Variants in SLC30A3 observed in about 807,000 individuals in gnomAD.
SLC30A3 encodes probable proton-coupled zinc antiporter SLC30A3.
A neutral mutation model predicts 35.6 loss-of-function variants in SLC30A3; 20 were observed. The observed-to-expected ratio is 0.56, with a 90% confidence interval of 0.39 to 0.82. The LOEUF is 0.82. Among genes scored for constraint, SLC30A3 ranks in the 40% least tolerant of loss-of-function variants. SLC30A3 has a pLI of 0.00. For synonymous variants in SLC30A3, 217 were observed against 224.7 expected, an observed-to-expected ratio of 0.97 and a Z score of 0.31; for missense variants, 401 against 530.6, an observed-to-expected ratio of 0.76 and a Z score of 2.40.
chr2:27,256,222 G>C, intron 7 of SLC30A3, 164 bp downstream of exon 7: 3 of 779,324 alleles, frequency 3.8e-6, no homozygotes, highest in Non-Finnish European at 6.3e-6. Context: ...ACGAGCGCAC[G>C]TGCATGTGTG....
rs1016560440 is a variant in SLC30A3 at position 27,262,558 on chromosome 2, G to A, written c.95+254C>T. 1.3e-5 allele frequency among the ~76,000 whole-genome samples: 2 copies of A among 152,074 alleles called. No homozygotes were observed. Among genetic ancestry groups the A allele is most frequent in the Non-Finnish European group, 2.9e-5 (2 of 67,978 alleles). On this transcript the variant is annotated intron_variant, in intron 1 of 7. Transcript: ENST00000233535. The surrounding 1 kb of genome is among the most constrained non-coding windows in gnomAD (Gnocchi z 7.5). Reference sequence around the variant, plus strand: ...GCGGGGGTGGCGGAGGGGTCCGGCGGCCTGGGACGCCGGCCGGAGGGGAGT... The same window carrying A: ...GCGGGGGTGGCGGAGGGGTCCGGCGACCTGGGACGCCGGCCGGAGGGGAGT...
Position 27,255,151 on chromosome 2 carries a change from G to C in SLC30A3, c.*161C>G, listed in dbSNP as rs1389397958. On this transcript the variant is annotated 3_prime_UTR_variant, in exon 8 of 8. Coordinates refer to ENST00000233535, the MANE Select transcript of SLC30A3 (RefSeq NM_003459.5). This position sits in a 1 kb window ranked among gnomAD's most constrained non-coding sequence, Gnocchi z 5.2. ...CCACACTTTGGTCTTGCCCACTGGGGCTGGGGCTGGGGCTGAGGCTGGGGA... is the reference window on the plus strand; with the variant it reads ...CCACACTTTGGTCTTGCCCACTGGGCCTGGGGCTGGGGCTGAGGCTGGGGA... The C allele has an allele frequency of 6.4e-7, 1 of 1,571,100 alleles. No homozygotes were observed. The highest frequency in any genetic ancestry group is 1.3e-5 in the African/African-American group (1 of 74,530).
upstream of SLC30A3, among the ~76,000 whole-genome samples, chr2:27,266,311 G>A (rs1395038910): frequency 3.9e-5 from 6 of 152,090 alleles, no homozygotes; most frequent in Admixed American, 3.9e-4. Context: ...TGGCTTCCAG[G>A]CTACCATAAT....
Position 27,262,692 on chromosome 2 carries a change from G to A in SLC30A3, c.95+120C>T, listed in dbSNP as rs1307956441. The A allele has an allele frequency of 3.1e-6, 3 of 977,954 alleles. No individual in the cohort carries two copies. The highest frequency in any genetic ancestry group is 4.0e-5 in the Admixed American group (1 of 25,044). 60.6% of individuals were successfully genotyped at this position (977,954 alleles called of 1,614,324 possible). ...AGGGGATGAAGCGGGGTGCAGCGGA[G>A]CGAGGGACCCGCGGTGCGCTGGGGC... is the stretch of plus-strand genomic sequence containing the variant. On this transcript the variant is annotated intron_variant, in intron 1 of 7. Transcript: ENST00000233535. This position sits in a 1 kb window ranked among gnomAD's most constrained non-coding sequence, Gnocchi z 7.5.
chr2:27,266,959 C>T (rs1004111706), upstream of SLC30A3, among the ~76,000 whole-genome samples: 1 of 149,832 alleles, frequency 6.7e-6, no homozygotes, highest in Non-Finnish European at 1.5e-5. Context: ...CACTTGGACT[C>T]CAAACTCATA....
upstream of SLC30A3, among the ~76,000 whole-genome samples, chr2:27,265,273 C>T (rs1677450762): frequency 6.6e-6 from 1 of 152,236 alleles, no homozygotes; most frequent in African/African-American, 2.4e-5. The surrounding 1 kb of genome is among the most constrained non-coding windows in gnomAD (Gnocchi z 5.9). Flanking sequence ...AGAGGCGCCT[C>T]GCAGCGCGTG....
At chr2:27,274,422 G>A (rs1677894585) in intron 1 of SLC30A3, among the ~76,000 whole-genome samples, 2 of 152,166 alleles carry the variant, frequency 1.3e-5, no homozygotes, top group African/African-American at 4.8e-5. Context: ...CTACAAAAAG[G>A]TTAACAGATA....
At chr2:27,263,378 T>C (rs1440268818), upstream of SLC30A3, 1 of 456,074 alleles carries the variant, frequency 2.2e-6, no homozygotes, top group South Asian at 1.6e-5. Context: ...TGTGCATGCC[T>C]GCGCGGGGGT....
upstream of SLC30A3, among the ~76,000 whole-genome samples, chr2:27,264,669 G>A (rs561199515): frequency 6.6e-6 from 1 of 152,228 alleles, no homozygotes; most frequent in East Asian, 1.9e-4. The surrounding 1 kb of genome is among the most constrained non-coding windows in gnomAD (Gnocchi z 6.1). Context: ...CCAGTCCAAA[G>A]CCCATGAGGG....
chr2:27,266,018 A>T (rs1020748737), upstream of SLC30A3, among the ~76,000 whole-genome samples: 1 of 150,112 alleles, frequency 6.7e-6, no homozygotes, highest in Non-Finnish European at 1.5e-5. Flanking sequence ...GTTAATTCTC[A>T]TGTCATACAC....
intron 1 of SLC30A3, among the ~76,000 whole-genome samples, chr2:27,273,359 A>C (rs1677817132): frequency 6.6e-6 from 1 of 152,184 alleles, no homozygotes; most frequent in Non-Finnish European, 1.5e-5. Flanking sequence ...GTTCCAGAAA[A>C]GATTGGAGAG....
At chr2:27,268,933 A>C (rs1030959058) in intron 1 of SLC30A3, among the ~76,000 whole-genome samples, 2 of 152,098 alleles carry the variant, frequency 1.3e-5, no homozygotes, top group South Asian at 2.1e-4. Flanking sequence ...CGGGGAGAAA[A>C]GTTAGGAGAC....
In SLC30A3 at chr2:27,262,809, T is replaced by C. The variant is rs1392266453; in HGVS notation, c.95+3A>G. Reference sequence around the variant, plus strand: ...GCCGAGGGCCAGCCCAGGTCTGTCCTACCTCTTCAAACGCAGGCTGCCTCC... The same window carrying C: ...GCCGAGGGCCAGCCCAGGTCTGTCCCACCTCTTCAAACGCAGGCTGCCTCC... On this transcript the variant is annotated splice_donor_region_variant and intron_variant, in intron 1 of 7. Transcript: ENST00000233535. The surrounding 1 kb of genome is among the most constrained non-coding windows in gnomAD (Gnocchi z 7.5). 2 of 1,567,382 alleles carry C rather than the reference T, an allele frequency of 1.3e-6. No homozygotes were observed. Among genetic ancestry groups the C allele is most frequent in the African/African-American group, 2.8e-5 (2 of 70,318 alleles).
rs748807236 is a variant in SLC30A3, at chr2:27,258,167, G to T, written c.418C>A (p.Arg140Ser). The T allele has an allele frequency of 1.3e-6, 2 of 1,594,042 alleles. No individual in the cohort carries two copies. The highest frequency in any genetic ancestry group is 2.2e-5 in the East Asian group (1 of 44,538). The part of the protein sequence containing the change: ...ATRTMTFGWH[R>S]SETLGALASV... ...GGCCATGCAGGGGCCTTACCTGAAC[G>T]GTGCCAGCCAAAGGTCATGGTGCGG... is the stretch of plus-strand genomic sequence containing the variant. Residue 140 changes from arginine (R) to serine (S), a missense_variant, in exon 3 of 8, where the codon CGT becomes AGT. Physicochemically the swap from Arg to Ser is moderately radical, Grantham distance 110. Transcript: ENST00000233535. This position sits in a 1 kb window ranked among gnomAD's most constrained non-coding sequence, Gnocchi z 4.0.
intron 1 of SLC30A3, among the ~76,000 whole-genome samples, chr2:27,268,511 T>C (rs1677590956): frequency 1.3e-5 from 2 of 152,164 alleles, no homozygotes; most frequent in African/African-American, 4.8e-5. Flanking sequence ...CCCAGCACTT[T>C]GGGAGGCCGA....
At chr2:27,263,737 C>A (rs1298964486), upstream of SLC30A3, among the ~76,000 whole-genome samples, 3 of 147,752 alleles carry the variant, frequency 2.0e-5, no homozygotes, top group African/African-American at 7.5e-5. Context: ...GAATAAAGGG[C>A]CCGGCCTGGA....
chr2:27,263,460 C>G, upstream of SLC30A3: 2 of 385,920 alleles, frequency 5.2e-6, no homozygotes, highest in South Asian at 1.9e-5. Context: ...GACCCATTAC[C>G]TATCTCCAGA....
chr2:27,267,883 C>T (rs1391748407), upstream of SLC30A3, among the ~76,000 whole-genome samples: 1 of 150,880 alleles, frequency 6.6e-6, no homozygotes, highest in African/African-American at 2.4e-5. Flanking sequence ...TGCAGTGAGC[C>T]GAGATCTTGC....
At chr2:27,261,101 C>A (rs1451099256) in intron 1 of SLC30A3, among the ~76,000 whole-genome samples, 1 of 152,080 alleles carries the variant, frequency 6.6e-6, no homozygotes, top group East Asian at 1.9e-4. Context: ...GGAGATGAGA[C>A]CTAGTTGGAG....
Sources: allele counts gnomAD v4.1 joint callset (sites outside exome capture counted in the v4.1 genomes callset), GRCh38; gene constraint gnomAD v4.1.1; non-coding constraint Gnocchi (gnomAD v3.1); transcripts MANE v1.5; gene names NCBI Gene and HGNC (gene_info 2026-07-23, HGNC 2026-07-21).